SLC9A7: variants seen among roughly 807,000 people sequenced by gnomAD.
SLC9A7 encodes sodium/hydrogen exchanger 7.
Under a neutral mutation model 52.6 loss-of-function variants are expected in SLC9A7, and 19 were observed. That is an observed-to-expected ratio of 0.36 (90% CI 0.25 to 0.53). The LOEUF is 0.53. Ranked by LOEUF, SLC9A7 falls within the 20% of genes least tolerant of loss-of-function variation. SLC9A7 has a pLI of 0.91. For synonymous variants in SLC9A7, 226 were observed against 252.1 expected (o/e 0.90, Z 0.98); for missense variants, 455 against 597.9 (o/e 0.76, Z 2.49).
At position 46,711,899 on chromosome X, in the gene SLC9A7, T is replaced by TACACACACACACACACACACAC. The variant is rs57570264; in HGVS notation, c.326-29386_326-29365dup. On this transcript the variant is annotated intron_variant, in intron 1 of 16. Transcript: ENST00000616978. The stretch of plus-strand genomic sequence containing the variant: ...CCCTTTAACGGCACAGCCTCTAAAT[T>TACACACACACACACACACACAC]ACACACACACACACACACACACACA... 7.6e-4 allele frequency among the ~76,000 whole-genome samples: 69 copies of TACACACACACACACACACACAC among 91,179 alleles called. 2 individuals are homozygous for TACACACACACACACACACACAC. The highest frequency in any genetic ancestry group is 2.6e-3 in the African/African-American group (60 of 23,071). The allele number at this position is 91,179 out of a possible 115,157, so 79.2% of individuals were successfully genotyped here. A position where few individuals can be genotyped will look rare whatever the true frequency, so the allele number is the denominator to read the frequency against.
chrX:46,736,959 T>C (rs1242643110), intron 1 of SLC9A7, among the ~76,000 whole-genome samples: 1 of 111,465 alleles, frequency 9.0e-6, no homozygotes, highest in African/African-American at 3.3e-5. Flanking sequence ...GGTCTTGGGG[T>C]TGTGGCCTTC....
At chrX:46,684,474 G>T (rs1313787608) in intron 1 of SLC9A7, among the ~76,000 whole-genome samples, 1 of 111,636 alleles carries the variant, frequency 9.0e-6, no homozygotes, top group African/African-American at 3.3e-5. Context: ...CAAAGTGCTG[G>T]GATTACAGGC....
chrX:46,669,628 T>C lies in SLC9A7; in HGVS notation c.772A>G (p.Ile258Val), dbSNP rs757757040. The part of the protein sequence containing the change: ...YYTDCLFFGA[I>V]ISATDPVTVL... ...ATACCTGGGTCAGTGGCAGAGATGA[T>C]TGCTCCAAAAAAGAGACAATCTGTG... The change falls in exon 5 of 17, where the codon ATC becomes GTC. Residue 258 changes from isoleucine (I) to valine (V), a missense_variant. Physicochemically the swap from Ile to Val is conservative, Grantham distance 29. Transcript: ENST00000616978. 1.8e-5 allele frequency: 21 copies of C among 1,172,684 alleles called. No homozygotes were observed. The highest frequency in any genetic ancestry group is 5.4e-5 in the African/African-American group (3 of 55,628).
chrX:46,714,954 A>T (rs775168668), intron 1 of SLC9A7, among the ~76,000 whole-genome samples: 14 of 111,969 alleles, frequency 1.3e-4, no homozygotes, highest in Non-Finnish European at 2.6e-4. Flanking sequence ...CACAGTAAAG[A>T]GAGAACTGGC....
Position 46,607,126 on chromosome X carries a change from G to C in SLC9A7, c.2007C>G (p.Ser669Arg). 1 of 1,211,271 alleles carries C rather than the reference G, an allele frequency of 8.3e-7. No homozygotes were observed. The highest frequency in any genetic ancestry group is 1.1e-6 in the Non-Finnish European group (1 of 895,238). ...EGDLTLTYGD[S>R]TVTANGSSSS... Reference sequence around the variant, plus strand: ...TTGAGGAGCCATTTGCAGTCACTGTGCTGTCCCCGTAGGTCAATGTCAGGT... The same window carrying C: ...TTGAGGAGCCATTTGCAGTCACTGTCCTGTCCCCGTAGGTCAATGTCAGGT... The change falls in exon 17 of 17, where the codon AGC becomes AGG. Residue 669 changes from serine to arginine, a missense_variant. By Grantham distance (110) the Ser-to-Arg change is moderately radical (BLOSUM62 -1). Transcript: ENST00000616978.
At chrX:46,738,648 T>C (rs989042656) in intron 1 of SLC9A7, among the ~76,000 whole-genome samples, 1 of 109,803 alleles carries the variant, frequency 9.1e-6, no homozygotes, top group African/African-American at 3.3e-5. Flanking sequence ...CACGTGCCTG[T>C]AGTCCCAGCT....
intron 1 of SLC9A7, among the ~76,000 whole-genome samples, chrX:46,747,260 G>A: frequency 9.0e-6 from 1 of 111,707 alleles, no homozygotes; most frequent in Non-Finnish European, 1.9e-5. Context: ...AATAATCTCT[G>A]TGCATTTTGA....
chrX:46,613,206 T>G, intron 16 of SLC9A7, 83 bp downstream of exon 16: 46 of 633,084 alleles, frequency 7.3e-5, no homozygotes, highest in East Asian at 1.1e-4. Context: ...TTTGGAGGCA[T>G]GAGTATGATG....
At chrX:46,620,394 G>A (rs1316671053) in intron 15 of SLC9A7, among the ~76,000 whole-genome samples, 1 of 111,374 alleles carries the variant, frequency 9.0e-6, no homozygotes, top group African/African-American at 3.3e-5. Context: ...ACTCCAGCCT[G>A]GGCAATGGAG....
intron 2 of SLC9A7, among the ~76,000 whole-genome samples, chrX:46,680,194 C>T (rs1386292200): frequency 9.1e-6 from 1 of 109,668 alleles, no homozygotes; most frequent in African/African-American, 3.3e-5. Context: ...ACTAAAAATA[C>T]AAAAATTAGC....
intron 1 of SLC9A7, among the ~76,000 whole-genome samples, chrX:46,707,978 G>T (rs5952396): frequency 2.7e-5 from 3 of 110,422 alleles, no homozygotes; most frequent in Non-Finnish European, 5.7e-5. Context: ...GACCTCAAGC[G>T]ATCCACCCGC....
chrX:46,692,422 C>T (rs1172129405), intron 1 of SLC9A7, among the ~76,000 whole-genome samples: 1 of 111,486 alleles, frequency 9.0e-6, no homozygotes, highest in Non-Finnish European at 1.9e-5. Context: ...GAAAATCCCT[C>T]TGCTTGTGTT....
chrX:46,616,156 T>TA (rs775387259), intron 15 of SLC9A7, among the ~76,000 whole-genome samples: 1,731 of 84,009 alleles, frequency 0.021, 47 homozygotes, highest in African/African-American at 0.065. Context: ...CCTCATCTCT[T>TA]AAAAAAAAAA....
At chrX:46,702,955 A>G (rs1413622327) in intron 1 of SLC9A7, among the ~76,000 whole-genome samples, 1 of 111,900 alleles carries the variant, frequency 8.9e-6, no homozygotes, top group African/African-American at 3.3e-5. Context: ...TTATTTGACT[A>G]TTTAATAACA....
chrX:46,637,991 C>T lies in SLC9A7; in HGVS notation c.1617-2343G>A, dbSNP rs182970023. On this transcript the variant is annotated intron_variant, in intron 12 of 16. Coordinates refer to ENST00000616978, the MANE Select transcript of SLC9A7 (RefSeq NM_001257291.2). ...CCTATTTATGGTGAACTCCAAGAACCACCCTGGGCTTCTGACTTCTGGGCA... is the reference window on the plus strand; with the variant it reads ...CCTATTTATGGTGAACTCCAAGAACTACCCTGGGCTTCTGACTTCTGGGCA... Among the ~76,000 whole-genome samples, 17 of 111,845 alleles carry T rather than the reference C, an allele frequency of 1.5e-4. No individual in the cohort carries two copies. The Admixed American group carries it at 1.6e-3, about 11-fold the overall frequency.
intron 7 of SLC9A7, among the ~76,000 whole-genome samples, chrX:46,658,006 A>T (rs1943734973): frequency 9.0e-6 from 1 of 111,142 alleles, no homozygotes; most frequent in East Asian, 2.8e-4. Flanking sequence ...AAATAACAGA[A>T]ATTATAACAA....
At chrX:46,757,597 T>C (rs1556293374) in intron 1 of SLC9A7, among the ~76,000 whole-genome samples, 1 of 112,806 alleles carries the variant, frequency 8.9e-6, no homozygotes, top group Non-Finnish European at 1.9e-5. Flanking sequence ...TCCCTCAGTA[T>C]ATGTGATAAA....
intron 11 of SLC9A7, chrX:46,647,127 C>T (rs778432619): frequency 2.9e-5 from 10 of 339,014 alleles, no homozygotes; most frequent in South Asian, 2.6e-4. Context: ...GCATCTGGCA[C>T]TGTCCAGAGG....
chrX:46,643,704 G>A, intron 11 of SLC9A7, among the ~76,000 whole-genome samples: 1 of 111,887 alleles, frequency 8.9e-6, no homozygotes, highest in Non-Finnish European at 1.9e-5. Context: ...AATAATATAA[G>A]CTAAAACTGT....
Sources: allele counts gnomAD v4.1 joint callset (sites outside exome capture counted in the v4.1 genomes callset), GRCh38; gene constraint gnomAD v4.1.1; transcripts MANE v1.5; gene names NCBI Gene and HGNC (gene_info 2026-07-23, HGNC 2026-07-21).